Variants in PKD1 observed in about 807,000 individuals in gnomAD.
PKD1 encodes polycystin-1.
In PKD1, 81 loss-of-function variants were observed where a neutral mutation model predicts 361.7. The observed-to-expected ratio is 0.22, with a 90% CI of 0.19 to 0.27. The LOEUF (loss-of-function observed/expected upper bound fraction) is 0.27, where lower values mean the gene tolerates loss of function less well. Ranked by LOEUF, PKD1 falls within the 10% of genes least tolerant of loss-of-function variation. The pLI is 1.00. For synonymous variants in PKD1, 3,615 were observed against 2,818.3 expected, an observed-to-expected ratio of 1.28 and a Z score of -8.95; for missense variants, 6,399 against 6,118.3, an observed-to-expected ratio of 1.05 and a Z score of -1.53.
rs566839225 is a variant in PKD1 at position 2,117,044 on chromosome 16, G to A, written c.1395C>T (p.Asp465=). Residue 465 remains aspartate (D), a synonymous_variant, in exon 7 of 46, where the codon GAC becomes GAT. Transcript: ENST00000262304. ...FLVSRVTRSL[D]VWIGFSTVQG... ...GCACAGTCGAGAAGCCGATCCACAC[G>A]TCTAGGCTCCTGGGGGCGGGTGTGG... 104 of 1,577,598 alleles carry A rather than the reference G, an allele frequency of 6.6e-5. No homozygotes were observed. Among genetic ancestry groups the A allele is most frequent in the Admixed American group, 1.5e-4 (9 of 59,590 alleles).
At chr16:2,126,482 G>A (rs1046479615) in intron 1 of PKD1, among the ~76,000 whole-genome samples, 1 of 152,282 alleles carries the variant, frequency 6.6e-6, no homozygotes, top group African/African-American at 2.4e-5. Context: ...CCAGTGCCTG[G>A]GCACCCTGGC....
intron 34 of PKD1, among the ~76,000 whole-genome samples, chr16:2,096,333 G>A (rs995468832): frequency 4.6e-5 from 7 of 152,266 alleles, no homozygotes; most frequent in South Asian, 2.1e-4. Flanking sequence ...CGGCAGGGCC[G>A]TGTGGACCTC....
intron 37 of PKD1, 170 bp from the exon 38 acceptor site, chr16:2,093,263 C>T: frequency 1.3e-6 from 1 of 796,696 alleles, no homozygotes; most frequent in Non-Finnish European, 2.0e-6. Context: ...CACACCCTGC[C>T]CGGAACCCCA....
rs766302578 is a variant in PKD1 at position 2,114,523 on chromosome 16, C to T, written c.2500G>A (p.Gly834Ser). The change falls in exon 11 of 46, where the codon GGC becomes AGC. Residue 834 changes from glycine (G) to serine (S), a missense_variant. Gly to Ser is a moderately conservative substitution (Grantham distance 56). Coordinates refer to ENST00000262304, the MANE Select transcript of PKD1 (RefSeq NM_001009944.3). ...LRVIYPAPRD[G>S]RLYVPTNGSA... Reference sequence around the variant, plus strand: ...CCGTTGGTGGGCACGTAGAGGCGGCCGTCGCGGGGGGCAGGGTAGATGACC... The same window carrying T: ...CCGTTGGTGGGCACGTAGAGGCGGCTGTCGCGGGGGGCAGGGTAGATGACC... The T allele has an allele frequency of 4.7e-5, 75 of 1,594,292 alleles. No homozygotes were observed. The highest frequency in any genetic ancestry group is 2.4e-4 in the African/African-American group (18 of 74,812).
chr16:2,121,087 C>T (rs866627553), intron 1 of PKD1, among the ~76,000 whole-genome samples: 22 of 151,832 alleles, frequency 1.4e-4, no homozygotes, highest in Admixed American at 6.6e-4. Flanking sequence ...GGGAAAGAGC[C>T]GGGTGCAATG....
rs534299698 is a variant in PKD1, at chr16:2,097,300, T to C, written c.10405+19A>G. 8.1e-6 allele frequency: 13 copies of C among 1,612,016 alleles called. 1 individual carries two copies. The South Asian group carries it at 1.4e-4, about 18-fold the overall frequency. ...TGCAAGGGTGAGCTTCAGAGCCCCC[T>C]CCTCTCACCCCAGCTCACCTGATGC... On this transcript the variant is annotated intron_variant, in intron 33 of 45. Transcript: ENST00000262304.
chr16:2,111,961 G>T (rs1388440813), intron 14 of PKD1, 90 bp from the exon 15 acceptor site: 4 of 1,370,870 alleles, frequency 2.9e-6, no homozygotes, highest in Non-Finnish European at 4.1e-6. Context: ...GGAGCCCGGG[G>T]TGAACGGCTG....
chr16:2,108,506 G>A lies in PKD1; in HGVS notation c.6661C>T (p.Leu2221=), dbSNP rs746938175. The change falls in exon 15 of 46, where the codon CTG becomes TTG. Residue 2221 remains leucine, a synonymous_variant. Coordinates refer to ENST00000262304, the MANE Select transcript of PKD1 (RefSeq NM_001009944.3). ...VSRPRLVLPR[L]ALPVGHYCFV... is the part of the protein sequence containing the mutation. ...CAGTAGTGCCCCACAGGCAGCGCCA[G>A]CCGCGGCAGCACCAGCCGAGGCCGG... is the stretch of plus-strand genomic sequence containing the variant. 14 of 1,608,602 alleles carry A rather than the reference G, an allele frequency of 8.7e-6. No individual in the cohort carries two copies. In the South Asian group the frequency reaches 1.2e-4, roughly 14 times the overall value.
chr16:2,104,448 G>A (rs758638386), intron 22 of PKD1, 50 bp downstream of exon 22: 41 of 1,419,240 alleles, frequency 2.9e-5, no homozygotes, highest in South Asian at 1.8e-4. Context: ...GGAGGCAGAG[G>A]AAAGGGCCGC....
rs562614426 is a variant in PKD1 at position 2,094,025 on chromosome 16, GA to G, written c.10619-13del. ...ACCCTCCACCAGTCCTGGGGAAGCA[GA>G]GACAGACCTGTGAGAGGCAGCTCAC... On this transcript the variant is annotated splice_polypyrimidine_tract_variant and intron_variant, in intron 35 of 45. Transcript: ENST00000262304. 928 of 1,591,438 alleles carry G rather than the reference GA, an allele frequency of 5.8e-4. 14 individuals are homozygous for G. The South Asian group carries it at 9.8e-3, about 17-fold the overall frequency.
At position 2,090,167 on chromosome 16, in the gene PKD1, T is replaced by C. The variant is rs1341920305; in HGVS notation, c.12472A>G (p.Met4158Val). Residue 4158 changes from methionine to valine, a missense_variant, in exon 46 of 46, where the codon ATG becomes GTG. Physicochemically the swap from Met to Val is conservative, Grantham distance 21. Coordinates refer to ENST00000262304, the MANE Select transcript of PKD1 (RefSeq NM_001009944.3). ...EFRHKVRFEGMEPLPSRSSRG... is the reference protein window; with the variant it reads ...EFRHKVRFEGVEPLPSRSSRG... ...GAGGAGCGAGAGGGCAGCGGCTCCA[T>C]CCCTTCAAAGCGGACTTTGTGGCGG... The C allele has an allele frequency of 1.9e-6, 3 of 1,599,440 alleles. No homozygotes were observed. Among genetic ancestry groups the C allele is most frequent in the African/African-American group, 2.7e-5 (2 of 74,784 alleles).
rs769172831 is a variant in PKD1, at chr16:2,106,654, G to C, written c.7233C>G (p.Ser2411Arg). Residue 2411 changes from serine (S) to arginine (R), a missense_variant, in exon 18 of 46, where the codon AGC (serine) becomes AGG (arginine). Transcript: ENST00000262304. This position sits in a 1 kb window ranked among gnomAD's most constrained non-coding sequence, Gnocchi z 6.5. ...KRGRWAARTFSNKTLVLDETT... is the reference protein window; with the variant it reads ...KRGRWAARTFRNKTLVLDETT... ...TCTCATCCAGCACCAGCGTCTTGTT[G>C]CTGAACGTACGTGCAGCCCACCGCT... 4.4e-6 allele frequency: 7 copies of C among 1,597,398 alleles called. No homozygotes were observed. In the East Asian group the frequency reaches 1.6e-4, roughly 36 times the overall value.
chr16:2,108,242 A>T lies in PKD1; in HGVS notation c.6915+10T>A. ...GAGGGGCATGGAGGACGGCCCTGCCACGCACTGACCTGTGTCGAAGCCACA... is the reference window on the plus strand; with the variant it reads ...GAGGGGCATGGAGGACGGCCCTGCCTCGCACTGACCTGTGTCGAAGCCACA... On this transcript the variant is annotated intron_variant, in intron 15 of 45. Coordinates refer to ENST00000262304, the MANE Select transcript of PKD1 (RefSeq NM_001009944.3). 1 of 1,593,262 alleles carries T rather than the reference A, an allele frequency of 6.3e-7. No homozygotes were observed. The highest frequency in any genetic ancestry group is 8.6e-7 in the Non-Finnish European group (1 of 1,167,008).
intron 34 of PKD1, 92 bp downstream of exon 34, chr16:2,097,056 C>A: frequency 1.4e-6 from 1 of 739,676 alleles, no homozygotes; most frequent in Non-Finnish European, 2.3e-6. Flanking sequence ...GCACCCCACC[C>A]CACCCTACCC....
chr16:2,109,766 G>A lies in PKD1; in HGVS notation c.5401C>T (p.Pro1801Ser), dbSNP rs766934384. ...NATVEVDVQV[P>S]VSGLSIRASE... is the part of the protein sequence containing the mutation. Reference sequence around the variant, plus strand: ...GCCCTGATGCTGAGGCCACTCACAGGCACCTGCACATCCACTTCCACGGTG... The same window carrying A: ...GCCCTGATGCTGAGGCCACTCACAGACACCTGCACATCCACTTCCACGGTG... The change falls in exon 15 of 46, where the codon CCT (proline) becomes TCT (serine). Residue 1801 changes from proline (P) to serine (S), a missense_variant. Pro to Ser is a moderately conservative substitution (Grantham distance 74, BLOSUM62 -1). Transcript: ENST00000262304. The A allele has an allele frequency of 1.9e-5, 30 of 1,609,698 alleles. No individual in the cohort carries two copies. Among genetic ancestry groups the A allele is most frequent in the East Asian group, 8.9e-5 (4 of 44,884 alleles).
rs913739970 is a variant in PKD1, at chr16:2,097,072, G to A, written c.10499+76C>T. 545 of 569,630 alleles carry A rather than the reference G, an allele frequency of 9.6e-4. 3 individuals are homozygous for A. The highest frequency in any genetic ancestry group is 2.3e-4 in the African/African-American group (12 of 51,260). 35.3% of individuals were successfully genotyped at this position (569,630 alleles called of 1,614,324 possible). ...CACCCCACCCCACCCTACCCCAGGC[G>A]GGAACCACGGCTGCCTGGCCTGAGT... On this transcript the variant is annotated intron_variant, in intron 34 of 45. Coordinates refer to ENST00000262304, the MANE Select transcript of PKD1 (RefSeq NM_001009944.3).
At position 2,114,574 on chromosome 16, in the gene PKD1, C is replaced by A. The variant is rs1238467460; in HGVS notation, c.2449G>T (p.Val817Leu). The A allele has an allele frequency of 2.5e-6, 4 of 1,594,116 alleles. No homozygotes were observed. Among genetic ancestry groups the A allele is most frequent in the South Asian group, 1.1e-5 (1 of 90,708 alleles). ...SRHNLSCSFD[V>L]VSPVAGLRVI... ...CGCAGCCCAGCCACTGGGGAGACCA[C>A]GTCAAAGCTGCAGGAGAGGTTGTGC... The change falls in exon 11 of 46, where the codon GTG (valine) becomes TTG (leucine). Residue 817 changes from valine (V) to leucine (L), a missense_variant. Transcript: ENST00000262304.
At position 2,094,166 on chromosome 16, in the gene PKD1, C is replaced by A. The variant is rs1270501606; in HGVS notation, c.10544G>T (p.Arg3515Met). 1 of 1,605,520 alleles carries A rather than the reference C, an allele frequency of 6.2e-7. No individual in the cohort carries two copies. The highest frequency in any genetic ancestry group is 8.5e-7 in the Non-Finnish European group (1 of 1,176,204). ...GEKTETLALQ[R>M]LGELGPPSPG... ...GCTGGGTGGCCCCAGCTCCCCCAGCCTCTGCAGCGCCAGCGTCTCTGTCTT... is the reference window on the plus strand; with the variant it reads ...GCTGGGTGGCCCCAGCTCCCCCAGCATCTGCAGCGCCAGCGTCTCTGTCTT... Residue 3515 changes from arginine (R) to methionine (M), a missense_variant, in exon 35 of 46, where the codon AGG becomes ATG. Physicochemically the swap from Arg to Met is moderately conservative, Grantham distance 91 (BLOSUM62 -1). Coordinates refer to ENST00000262304, the MANE Select transcript of PKD1 (RefSeq NM_001009944.3).
rs769741858 is a variant in PKD1, at chr16:2,110,514, G to T, written c.4653C>A (p.Leu1551=). 2 of 1,611,894 alleles carry T rather than the reference G, an allele frequency of 1.2e-6. No homozygotes were observed. The highest frequency in any genetic ancestry group is 2.2e-5 in the South Asian group (2 of 91,054). ...CCACCGTGCGGCTTGCATTGACGAC[G>T]AGCCCCCGCACGCGCCGCTTCACCG... is the stretch of plus-strand genomic sequence containing the variant. ...NVTVKRRVRG[L]VVNASRTVVP... is the part of the protein sequence containing the mutation. Residue 1551 remains leucine, a synonymous_variant, in exon 15 of 46, where the codon CTC becomes CTA. Coordinates refer to ENST00000262304, the MANE Select transcript of PKD1 (RefSeq NM_001009944.3).
Sources: allele counts gnomAD v4.1 joint callset (sites outside exome capture counted in the v4.1 genomes callset), GRCh38; gene constraint gnomAD v4.1.1; non-coding constraint Gnocchi (gnomAD v3.1); transcripts MANE v1.5; gene names NCBI Gene and HGNC (gene_info 2026-07-23, HGNC 2026-07-21).